PPP2R2D: variants seen among roughly 807,000 people sequenced by gnomAD.
PPP2R2D encodes protein phosphatase 2 regulatory subunit Bdelta.
PPP2R2D carries 9 observed loss-of-function variants against 31.1 expected under a neutral mutation model. That is an observed-to-expected ratio of 0.29 (90% CI 0.17 to 0.51). PPP2R2D has a LOEUF of 0.51. Among genes scored for constraint, PPP2R2D ranks in the 20% least tolerant of loss-of-function variants. The pLI, the probability that PPP2R2D is intolerant of heterozygous loss-of-function variation, is 0.98. For synonymous variants in PPP2R2D, 179 were observed against 172.6 expected, an observed-to-expected ratio of 1.04 and a Z score of -0.29; for missense variants, 391 against 465.6, an observed-to-expected ratio of 0.84 and a Z score of 1.48.
chr10:131,928,992 A>G (rs1370745401), intron 2 of PPP2R2D, among the ~76,000 whole-genome samples: 1 of 152,202 alleles, frequency 6.6e-6, no homozygotes, highest in East Asian at 1.9e-4. Context: ...ATAATACAAC[A>G]GGCGCCTCTG....
rs555861186 is a variant in PPP2R2D at position 131,958,135 on chromosome 10, CCT to C, written c.*2173_*2174del. The C allele has an allele frequency of 4.6e-5, 8 of 175,192 alleles. No homozygotes were observed. In the East Asian group the frequency reaches 1.6e-3, roughly 35 times the overall value. The allele number at this position is 175,192 out of a possible 1,614,324, so 10.9% of individuals were successfully genotyped here. A position where few individuals can be genotyped will look rare whatever the true frequency, so the allele number is the denominator to read the frequency against. On this transcript the variant is annotated 3_prime_UTR_variant, in exon 9 of 9. Transcript: ENST00000455566. ...GAAGGTGTGTGCTGATCCCCGTCCCCCTGTGGAGATGAAGGGGTGTGCTGATC... is the reference window on the plus strand; with the variant it reads ...GAAGGTGTGTGCTGATCCCCGTCCCCGTGGAGATGAAGGGGTGTGCTGATC...
Position 131,934,494 on chromosome 10 carries a change from G to A in PPP2R2D, c.137G>A (p.Gly46Glu). 1 of 780,534 alleles carries A rather than the reference G, an allele frequency of 1.3e-6. No homozygotes were observed. The allele number at this position is 780,534 out of a possible 1,614,324, so 48.4% of individuals were successfully genotyped here. The change falls in exon 3 of 9, where the codon GGA (glycine) becomes GAA (glutamate). Residue 46 changes from glycine to glutamate, a missense_variant. Gly to Glu is a moderately conservative substitution (Grantham distance 98). This residue lies in a region of PPP2R2D where 105 missense variants were observed against 98.5 expected (regional missense o/e 1.07). Coordinates refer to ENST00000455566, the MANE Select transcript of PPP2R2D (RefSeq NM_018461.5). ...TCCACCGTTGAGTTTAATTACTCTG[G>A]AGATCTTCTTGCAACAGGAGACAAG... ...IISTVEFNYS[G>E]DLLATGDKGG... is the part of the protein sequence containing the mutation.
chr10:131,957,242 C>CCCA lies in PPP2R2D; in HGVS notation c.*1279_*1280insCCA. ...TGGAGATGAAGGTGTGTGTTGATTC[C>CCCA]TCCTGCTGCTGTGGAGATGGAGGTG... On this transcript the variant is annotated 3_prime_UTR_variant, in exon 9 of 9. Transcript: ENST00000455566. 6.3e-6 allele frequency: 1 copy of CCCA among 159,268 alleles called. No individual in the cohort carries two copies. Among genetic ancestry groups the CCCA allele is most frequent in the Non-Finnish European group, 1.4e-5 (1 of 72,550 alleles). The allele number at this position is 159,268 out of a possible 1,614,324, so 9.9% of individuals were successfully genotyped here.
chr10:131,921,679 G>C (rs565088719), intron 2 of PPP2R2D, among the ~76,000 whole-genome samples: 7 of 152,334 alleles, frequency 4.6e-5, no homozygotes, highest in Admixed American at 2.0e-4. Context: ...ACTGGCTGCA[G>C]TGTGCGGAGG....
chr10:131,901,377 C>G lies in PPP2R2D; in HGVS notation c.100+47C>G, dbSNP rs2081941727. ...GCCCCGGGACCCTCGCGGACAGCTC[C>G]CAGCCCGGCCGCGCGCGGCCTCCGG... On this transcript the variant is annotated intron_variant, in intron 2 of 8. Coordinates refer to ENST00000455566, the MANE Select transcript of PPP2R2D (RefSeq NM_018461.5). The G allele has an allele frequency of 6.8e-5, 24 of 350,468 alleles. No homozygotes were observed. The East Asian group carries it at 1.0e-3, about 15-fold the overall frequency. 21.7% of individuals were successfully genotyped at this position (350,468 alleles called of 1,614,324 possible).
chr10:131,928,468 G>C (rs563134757), intron 2 of PPP2R2D, among the ~76,000 whole-genome samples: 1 of 152,240 alleles, frequency 6.6e-6, no homozygotes, highest in South Asian at 2.1e-4. Context: ...TAGGTGATGC[G>C]TTTTAAGTAC....
chr10:131,910,792 T>C (rs1453386781), intron 2 of PPP2R2D, among the ~76,000 whole-genome samples: 4 of 152,236 alleles, frequency 2.6e-5, no homozygotes, highest in Admixed American at 2.6e-4. Context: ...GATTAGAAGG[T>C]TGGGACTTTC....
At chr10:131,913,275 C>T (rs1338033335) in intron 2 of PPP2R2D, among the ~76,000 whole-genome samples, 1 of 151,744 alleles carries the variant, frequency 6.6e-6, no homozygotes, top group East Asian at 1.9e-4. Context: ...AAGTGATCCG[C>T]CCACCTCGGC....
At chr10:131,949,414 C>A (rs772016261) in intron 8 of PPP2R2D, among the ~76,000 whole-genome samples, 1 of 152,188 alleles carries the variant, frequency 6.6e-6, no homozygotes, top group Admixed American at 6.5e-5. Flanking sequence ...CGTGAGAACA[C>A]GCATGCTGGG....
Position 131,940,671 on chromosome 10 carries a change from C to G in PPP2R2D, c.454C>G (p.Pro152Ala). The G allele has an allele frequency of 1.3e-6, 1 of 778,094 alleles. No individual in the cohort carries two copies. The highest frequency in any genetic ancestry group is 1.7e-5 in the African/African-American group (1 of 59,186). 48.2% of individuals were successfully genotyped at this position (778,094 alleles called of 1,614,324 possible). Reference protein sequence around the residue: ...LKDEDGRLRDPFRITALRVPI... With the variant: ...LKDEDGRLRDAFRITALRVPI... ...AGACGAAGATGGAAGACTTCGAGAC[C>G]CATTTAGGATCACGGCGCTACGGGT... Residue 152 changes from proline (P) to alanine (A), a missense_variant, in exon 5 of 9, where the codon CCA (proline) becomes GCA (alanine). Pro to Ala is a conservative substitution (Grantham distance 27, BLOSUM62 -1). Around this residue, in one of 3 missense-constraint regions of PPP2R2D, gnomAD observed 105 missense variants for 98.5 expected, o/e 1.07. Transcript: ENST00000455566.
the PPP2R2D span, chr10:131,967,263 C>T: frequency 1.3e-5 from 2 of 152,160 alleles, no homozygotes; most frequent in Admixed American, 6.5e-5. Flanking sequence ...TTGATGGTGA[C>T]CAGGGGGTTC....
intron 8 of PPP2R2D, among the ~76,000 whole-genome samples, chr10:131,951,355 G>A (rs1217436229): frequency 6.6e-6 from 1 of 152,244 alleles, no homozygotes; most frequent in Admixed American, 6.5e-5. Context: ...GGACAGGTAA[G>A]TTGTTCTCTA....
At chr10:131,910,971 A>T (rs969119417) in intron 2 of PPP2R2D, among the ~76,000 whole-genome samples, 2,765 of 152,240 alleles carry the variant, frequency 0.018, 90 homozygotes, top group African/African-American at 0.061. Context: ...TCTGTGTCTC[A>T]GCCCCCGTCC....
At chr10:131,952,243 T>TG (rs1554898929) in intron 8 of PPP2R2D, among the ~76,000 whole-genome samples, 1 of 17,328 alleles carries the variant, frequency 5.8e-5, no homozygotes, top group African/African-American at 2.6e-4. Flanking sequence ...AGCAGTGACT[T>TG]GGGGGGTCCC....
At chr10:131,948,067 G>A (rs1337410732) in intron 8 of PPP2R2D, among the ~76,000 whole-genome samples, 3 of 152,188 alleles carry the variant, frequency 2.0e-5, no homozygotes, top group South Asian at 2.1e-4. Context: ...GTGAATGATA[G>A]TGTATTACTT....
chr10:131,949,280 A>C (rs1464987209), intron 8 of PPP2R2D, among the ~76,000 whole-genome samples: 1 of 152,150 alleles, frequency 6.6e-6, no homozygotes, highest in Non-Finnish European at 1.5e-5. Context: ...CACTGCTTTC[A>C]CAGCGGGCAG....
At chr10:131,970,955 T>C in the PPP2R2D span, 1 of 1,613,934 alleles carries the variant, frequency 6.2e-7, no homozygotes, top group Non-Finnish European at 8.5e-7. The surrounding 1 kb of genome is among the most constrained non-coding windows in gnomAD (Gnocchi z 4.1). Context: ...CTTCTTTCAA[T>C]ATCATCTTCC....
intron 5 of PPP2R2D, 147 bp from the exon 6 acceptor site, chr10:131,943,821 C>G (rs1485312640): frequency 3.4e-6 from 2 of 593,786 alleles, no homozygotes; most frequent in Admixed American, 7.3e-5. Flanking sequence ...CATAACTCTG[C>G]TAATTGGTTA....
chr10:131,908,658 A>G (rs1265305106), intron 2 of PPP2R2D, among the ~76,000 whole-genome samples: 7 of 152,238 alleles, frequency 4.6e-5, no homozygotes, highest in Admixed American at 6.5e-5. Context: ...CTCTTTTCTC[A>G]TCTGTTAAAC....
Sources: allele counts gnomAD v4.1 joint callset (sites outside exome capture counted in the v4.1 genomes callset), GRCh38; gene constraint gnomAD v4.1.1; regional missense constraint gnomAD v4.1.1; non-coding constraint Gnocchi (gnomAD v3.1); transcripts MANE v1.5; gene names NCBI Gene and HGNC (gene_info 2026-07-23, HGNC 2026-07-21).